MSRB2: variants seen among roughly 807,000 people sequenced by gnomAD.
MSRB2 encodes methionine sulfoxide reductase B2.
In MSRB2, 17 loss-of-function variants were observed where a neutral mutation model predicts 19.0. That is an observed-to-expected ratio of 0.89 (90% CI 0.61 to 1.34). MSRB2 has a LOEUF of 1.34. MSRB2 is among the 40% of genes most tolerant of loss of function. The pLI is 0.00. For synonymous variants in MSRB2, 107 were observed against 99.7 expected (o/e 1.07, Z -0.44); for missense variants, 208 against 237.6 (o/e 0.88, Z 0.82).
At chr10:23,106,618 C>T (rs1044860844) in intron 2 of MSRB2, among the ~76,000 whole-genome samples, 3 of 152,190 alleles carry the variant, frequency 2.0e-5, no homozygotes, top group African/African-American at 4.8e-5. Flanking sequence ...TAGAGCCCAG[C>T]GTTCTCTCTG....
intron 3 of MSRB2, among the ~76,000 whole-genome samples, chr10:23,111,432 G>A (rs75234891): frequency 3.9e-5 from 6 of 152,308 alleles, no homozygotes; most frequent in East Asian, 3.9e-4. Context: ...CCTTGTTACC[G>A]CAGGCACCAG....
At chr10:23,120,068 G>C (rs891250341) in intron 4 of MSRB2, among the ~76,000 whole-genome samples, 7 of 152,182 alleles carry the variant, frequency 4.6e-5, no homozygotes, top group African/African-American at 1.7e-4. Flanking sequence ...TTTGAGCAGG[G>C]ATAAGGAGCA....
At chr10:23,116,227 C>T (rs531432968) in intron 3 of MSRB2, among the ~76,000 whole-genome samples, 1 of 150,324 alleles carries the variant, frequency 6.7e-6, no homozygotes, top group South Asian at 2.1e-4. Context: ...ATCATACAAT[C>T]TATAAATTTA....
In MSRB2 at chr10:23,120,861, G is replaced by T. The variant is rs770808976; in HGVS notation, c.548G>T (p.Ter183LeuextTer24). Residue 183 changes from the stop codon to leucine (L), a stop_lost, in exon 5 of 5, where the codon TGA becomes TTA. Transcript: ENST00000376510. ...TTGAAGTTCAAACCAAGGAAACACT[G>T]ACCATCTTCAAGAGTCCCGTTCCCT... is the stretch of plus-strand genomic sequence containing the variant. ...VALKFKPRKH* is the reference protein window; with the variant it reads ...VALKFKPRKHL 19 of 1,612,670 alleles carry T rather than the reference G, an allele frequency of 1.2e-5. No homozygotes were observed. In the African/African-American group the frequency reaches 2.0e-4, roughly 17 times the overall value.
chr10:23,113,876 A>T (rs532801457), intron 3 of MSRB2, among the ~76,000 whole-genome samples: 1 of 152,276 alleles, frequency 6.6e-6, no homozygotes, highest in South Asian at 2.1e-4. Context: ...AGCCCTGTGG[A>T]CACCTTGACT....
At chr10:23,100,577 A>G (rs1839916884) in intron 1 of MSRB2, among the ~76,000 whole-genome samples, 1 of 152,182 alleles carries the variant, frequency 6.6e-6, no homozygotes, top group Non-Finnish European at 1.5e-5. Context: ...GGTGAAGAGG[A>G]AGCAAGCACA....
rs1261222481 is a variant in MSRB2 at position 23,104,207 on chromosome 10, A to C, written c.182A>C (p.Glu61Ala). ...GAGTGGCAAAAGAAACTAACCCCGG[A>C]GCAGTTCTACGTCACAAGAGAAAAG... ...KSEWQKKLTPEQFYVTREKGT... is the reference protein window; with the variant it reads ...KSEWQKKLTPAQFYVTREKGT... The change falls in exon 2 of 5, where the codon GAG (glutamate) becomes GCG (alanine). Residue 61 changes from glutamate (E) to alanine (A), a missense_variant. By Grantham distance (107) the Glu-to-Ala change is moderately radical. Coordinates refer to ENST00000376510, the MANE Select transcript of MSRB2 (RefSeq NM_012228.4). The C allele has an allele frequency of 6.2e-7, 1 of 1,613,944 alleles. No individual in the cohort carries two copies. Among genetic ancestry groups the C allele is most frequent in the Non-Finnish European group, 8.5e-7 (1 of 1,179,902 alleles).
At chr10:23,096,064 C>G (rs982602630) in intron 1 of MSRB2, among the ~76,000 whole-genome samples, 1 of 151,980 alleles carries the variant, frequency 6.6e-6, no homozygotes, top group African/African-American at 2.4e-5. Flanking sequence ...GGCGAAGGCC[C>G]GGGGCCTGGG....
chr10:23,119,414 C>T lies in MSRB2; in HGVS notation c.407C>T (p.Ser136Leu), dbSNP rs750260291. The stretch of plus-strand genomic sequence containing the variant: ...GGGATCCTGAGACGTCTGGATACCT[C>T]GTTAGGATCAGCTCGCACAGAGGTT... ...HTGILRRLDT[S>L]LGSARTEVVC... is the part of the protein sequence containing the mutation. Residue 136 changes from serine (S) to leucine (L), a missense_variant, in exon 4 of 5, where the codon TCG becomes TTG. Coordinates refer to ENST00000376510, the MANE Select transcript of MSRB2 (RefSeq NM_012228.4). 3.7e-6 allele frequency: 6 copies of T among 1,613,968 alleles called. No homozygotes were observed. Among genetic ancestry groups the T allele is most frequent in the African/African-American group, 2.7e-5 (2 of 74,906 alleles).
In MSRB2 at chr10:23,095,627, T is replaced by C; in HGVS notation, c.19T>C (p.Leu7=). The part of the protein sequence containing the change: MARLLW[L]LRGLTLGTAP... ...GGGCGTCATGGCGCGGCTCCTCTGG[T>C]TGCTCCGGGGCCTGACCCTCGGAAC... Residue 7 remains leucine (L), a synonymous_variant, in exon 1 of 5, where the codon TTG becomes CTG. Coordinates refer to ENST00000376510, the MANE Select transcript of MSRB2 (RefSeq NM_012228.4). The C allele has an allele frequency of 6.8e-7, 1 of 1,473,620 alleles. No homozygotes were observed. The highest frequency in any genetic ancestry group is 8.9e-7 in the Non-Finnish European group (1 of 1,118,424). 91.3% of individuals were successfully genotyped at this position (1,473,620 alleles called of 1,614,324 possible).
chr10:23,115,765 A>T (rs1840103915), intron 3 of MSRB2, among the ~76,000 whole-genome samples: 1 of 152,158 alleles, frequency 6.6e-6, no homozygotes. Flanking sequence ...ACTTGGTAAA[A>T]ATCTCCCGAT....
At position 23,111,204 on chromosome 10, in the gene MSRB2, C is replaced by T. The variant is rs1179847199; in HGVS notation, c.296+886C>T. Reference sequence around the variant, plus strand: ...GGAGCGATTAGCATCGATTTTCCTCCGTGCTCACAGATGGGCAGGCCTTTG... The same window carrying T: ...GGAGCGATTAGCATCGATTTTCCTCTGTGCTCACAGATGGGCAGGCCTTTG... On this transcript the variant is annotated intron_variant, in intron 3 of 4. Coordinates refer to ENST00000376510, the MANE Select transcript of MSRB2 (RefSeq NM_012228.4). Among the ~76,000 whole-genome samples the T allele has an allele frequency of 2.6e-5, 4 of 152,214 alleles. No homozygotes were observed. The South Asian group carries it at 6.2e-4, about 24-fold the overall frequency.
chr10:23,107,607 T>C (rs1839997839), intron 2 of MSRB2, among the ~76,000 whole-genome samples: 1 of 152,178 alleles, frequency 6.6e-6, no homozygotes, highest in South Asian at 2.1e-4. Context: ...CCCCCCTTCG[T>C]AGTGAAGGGT....
In MSRB2 at chr10:23,121,047, T is replaced by C. The variant is rs1840176226; in HGVS notation, c.*185T>C. On this transcript the variant is annotated 3_prime_UTR_variant, in exon 5 of 5. Coordinates refer to ENST00000376510, the MANE Select transcript of MSRB2 (RefSeq NM_012228.4). Reference sequence around the variant, plus strand: ...CTTAATCCTGTGTGTTAGGCTGTTCTTGTGTTGCTATAAAGAAGTACCTGA... The same window carrying C: ...CTTAATCCTGTGTGTTAGGCTGTTCCTGTGTTGCTATAAAGAAGTACCTGA... 1 of 497,444 alleles carries C rather than the reference T, an allele frequency of 2.0e-6. No individual in the cohort carries two copies. The highest frequency in any genetic ancestry group is 1.9e-5 in the African/African-American group (1 of 51,460). The allele number at this position is 497,444 out of a possible 1,614,324, so 30.8% of individuals were successfully genotyped here.
At chr10:23,113,387 T>C (rs1286426884) in intron 3 of MSRB2, among the ~76,000 whole-genome samples, 2 of 152,012 alleles carry the variant, frequency 1.3e-5, no homozygotes. Flanking sequence ...GCACACACCA[T>C]GGGTTTTTTT....
chr10:23,114,148 G>A (rs945712309), intron 3 of MSRB2, among the ~76,000 whole-genome samples: 3 of 152,078 alleles, frequency 2.0e-5, no homozygotes, highest in Admixed American at 6.5e-5. Context: ...TCAGGAGTTC[G>A]AGACCAGCCT....
chr10:23,119,583 T>A, intron 4 of MSRB2, 132 bp downstream of exon 4: 1 of 1,133,750 alleles, frequency 8.8e-7, no homozygotes, highest in Non-Finnish European at 1.2e-6. Flanking sequence ...ATGGGGTTTC[T>A]TTTTTGTTTT....
At chr10:23,119,090 C>G (rs1325820573) in intron 3 of MSRB2, 1 of 672,330 alleles carries the variant, frequency 1.5e-6, no homozygotes, top group Admixed American at 2.0e-5. Flanking sequence ...ATCAAAGGAT[C>G]AAGAAGTCCT....
intron 3 of MSRB2, 133 bp downstream of exon 3, chr10:23,110,451 G>T (rs912103776): frequency 1.4e-6 from 1 of 696,938 alleles, no homozygotes; most frequent in Non-Finnish European, 2.4e-6. Context: ...TTCTCATTTT[G>T]CATTGTTGCT....
Sources: gnomAD v4.1 joint callset for allele counts (sites outside exome capture counted in the v4.1 genomes callset) on GRCh38, gnomAD v4.1.1 for gene constraint, MANE v1.5 for transcripts, NCBI Gene and HGNC (gene_info 2026-07-23, HGNC 2026-07-21) for gene names.